The following PRR18 variants were observed in gnomAD, a reference collection of about 807,000 sequenced individuals.
PRR18 encodes proline-rich protein 18.
For missense variants in PRR18, 517 were observed against 437.4 expected, an observed-to-expected ratio of 1.18 and a Z score of -1.62; for synonymous variants, 228 against 220.2, an observed-to-expected ratio of 1.04 and a Z score of -0.32.
rs1262588100 is a variant in PRR18, at chr6:166,307,714, G to C, written c.429C>G (p.Ala143=). 2.6e-6 allele frequency: 4 copies of C among 1,527,726 alleles called. No individual in the cohort carries two copies. The highest frequency in any genetic ancestry group is 3.5e-6 in the Non-Finnish European group (4 of 1,135,430). The allele number at this position is 1,527,726 out of a possible 1,614,324, so 94.6% of individuals were successfully genotyped here. The change falls in exon 1 of 1, where the codon GCC becomes GCG. Residue 143 remains alanine, a synonymous_variant. Coordinates refer to ENST00000322583, the MANE Select transcript of PRR18 (RefSeq NM_175922.4). The part of the protein sequence containing the change: ...ARFCLNLTPE[A]VLVIQKRHLE... ...GATGACGCTTCTGGATGACCAGGACGGCCTCGGGGGTGAGATTCAGGCAGA... is the reference window on the plus strand; with the variant it reads ...GATGACGCTTCTGGATGACCAGGACCGCCTCGGGGGTGAGATTCAGGCAGA...
rs1263848896 is a variant in PRR18, at chr6:166,305,576, G to A, written c.*1679C>T. 2.6e-5 allele frequency: 4 copies of A among 152,180 alleles called. No homozygotes were observed. The highest frequency in any genetic ancestry group is 2.9e-5 in the Non-Finnish European group (2 of 68,056). The allele number at this position is 152,180 out of a possible 1,614,324, so 9.4% of individuals were successfully genotyped here. On this transcript the variant is annotated 3_prime_UTR_variant, in exon 1 of 1. Transcript: ENST00000322583. ...GTATTGTGGCCAGTTAAGAACAGGA[G>A]ATGCTGGGACAGAGCCTACAGAAAG...
chr6:166,307,969 G>A lies in PRR18; in HGVS notation c.174C>T (p.Ala58=). 1 of 1,234,592 alleles carries A rather than the reference G, an allele frequency of 8.1e-7. No homozygotes were observed. Among genetic ancestry groups the A allele is most frequent in the Non-Finnish European group, 1.0e-6 (1 of 982,952 alleles). 76.5% of individuals were successfully genotyped at this position (1,234,592 alleles called of 1,614,324 possible). ...WPSATLKRPP[A]RRGPGLDRTQ... is the part of the protein sequence containing the mutation. The stretch of plus-strand genomic sequence containing the variant: ...TCCTGTCCAGGCCGGGGCCGCGCCG[G>A]GCCGGCGGCCTCTTGAGCGTGGCGG... The change falls in exon 1 of 1, where the codon GCC becomes GCT. Residue 58 remains alanine (A), a synonymous_variant. Coordinates refer to ENST00000322583, the MANE Select transcript of PRR18 (RefSeq NM_175922.4).
rs1410994561 is a variant in PRR18, at chr6:166,308,170, C to A, written c.-28G>T. 8.1e-7 allele frequency: 1 copy of A among 1,229,118 alleles called. No individual in the cohort carries two copies. Among genetic ancestry groups the A allele is most frequent in the Middle Eastern group, 3.1e-4 (1 of 3,196 alleles). 76.1% of individuals were successfully genotyped at this position (1,229,118 alleles called of 1,614,324 possible). On this transcript the variant is annotated 5_prime_UTR_variant, in exon 1 of 1. Transcript: ENST00000322583. ...TGCAGCCGAGCCGCCGGATCCTCAG[C>A]CCCTGGAAAGAGAGGCGGGCGCTCA...
rs1387143808 is a variant in PRR18 at position 166,306,385 on chromosome 6, C to A, written c.*870G>T. On this transcript the variant is annotated 3_prime_UTR_variant, in exon 1 of 1. Coordinates refer to ENST00000322583, the MANE Select transcript of PRR18 (RefSeq NM_175922.4). ...TAATACATTACTCTTTTATAACCAG[C>A]CTTATCTGATTATAACATTTTATTT... is the stretch of plus-strand genomic sequence containing the variant. 2 of 152,182 alleles carry A rather than the reference C, an allele frequency of 1.3e-5. No individual in the cohort carries two copies. The highest frequency in any genetic ancestry group is 2.4e-5 in the African/African-American group (1 of 41,434). The allele number at this position is 152,182 out of a possible 1,614,324, so 9.4% of individuals were successfully genotyped here. A position where few individuals can be genotyped will look rare whatever the true frequency, so the allele number is the denominator to read the frequency against.
Sources: gnomAD v4.1 joint callset for allele counts on GRCh38, gnomAD v4.1.1 for gene constraint, MANE v1.5 for transcripts, NCBI Gene and HGNC (gene_info 2026-07-23, HGNC 2026-07-21) for gene names.